Variants in ANKFN1 observed in about 807,000 individuals in gnomAD.
ANKFN1 encodes ankyrin repeat and fibronectin type-III domain-containing protein 1.
ANKFN1 carries 74 observed loss-of-function variants against 108.7 expected under a neutral mutation model. The observed-to-expected ratio is 0.68, with a 90% CI of 0.56 to 0.83. ANKFN1 has a LOEUF of 0.83. ANKFN1 is among the 40% of genes least tolerant of loss of function. ANKFN1 has a pLI of 0.00. For missense variants in ANKFN1, 1,505 were observed against 1,382.3 expected (o/e 1.09, Z -1.41); for synonymous variants, 547 against 516.2 (o/e 1.06, Z -0.81).
intron 4 of ANKFN1, among the ~76,000 whole-genome samples, chr17:56,348,567 C>A (rs960928593): frequency 6.6e-6 from 1 of 151,976 alleles, no homozygotes; most frequent in Admixed American, 6.6e-5. Context: ...TAAGAAAAAA[C>A]AACAACCCCA....
chr17:56,095,806 T>C (rs1905522774), intron 4 of ANKFN1, among the ~76,000 whole-genome samples: 3 of 152,248 alleles, frequency 2.0e-5, no homozygotes, highest in Middle Eastern at 3.4e-3. Context: ...GAAGCAGAAA[T>C]CCAAAATGCA....
At chr17:56,469,718 G>C (rs773793485) in intron 15 of ANKFN1, among the ~76,000 whole-genome samples, 5 of 152,060 alleles carry the variant, frequency 3.3e-5, no homozygotes, top group Non-Finnish European at 5.9e-5. Context: ...ATGATTAAAA[G>C]AGTAGCACAA....
intron 3 of ANKFN1, among the ~76,000 whole-genome samples, chr17:56,244,815 T>A (rs956860537): frequency 6.6e-6 from 1 of 152,130 alleles, no homozygotes; most frequent in Non-Finnish European, 1.5e-5. Context: ...CTCAGTAAAA[T>A]AGAGAATTTA....
chr17:56,449,237 G>T (rs765704646), intron 11 of ANKFN1, 51 bp downstream of exon 11: 4 of 1,368,286 alleles, frequency 2.9e-6, no homozygotes, highest in Non-Finnish European at 3.9e-6. Flanking sequence ...CGGTGGCGCC[G>T]GTAATTTTAG....
At chr17:56,360,337 C>G (rs2046484923) in intron 6 of ANKFN1, among the ~76,000 whole-genome samples, 1 of 152,140 alleles carries the variant, frequency 6.6e-6, no homozygotes, top group Non-Finnish European at 1.5e-5. Flanking sequence ...CATTACATGG[C>G]CAAATCCTTC....
chr17:56,286,928 T>C (rs914834820), intron 3 of ANKFN1, among the ~76,000 whole-genome samples: 1 of 152,102 alleles, frequency 6.6e-6, no homozygotes, highest in Non-Finnish European at 1.5e-5. Context: ...CTGCCAACCA[T>C]AGGCAAAGGG....
chr17:56,264,347 C>T (rs559943354), intron 3 of ANKFN1, among the ~76,000 whole-genome samples: 2 of 152,308 alleles, frequency 1.3e-5, no homozygotes, highest in East Asian at 1.9e-4. Context: ...TGGCTACATG[C>T]CTGCCTGGGC....
At chr17:56,273,030 C>T (rs2043830953) in intron 3 of ANKFN1, among the ~76,000 whole-genome samples, 1 of 152,172 alleles carries the variant, frequency 6.6e-6, no homozygotes, top group South Asian at 2.1e-4. Flanking sequence ...ATCTTAACAC[C>T]CTAAGACATC....
At chr17:56,246,825 G>T (rs149922549) in intron 3 of ANKFN1, among the ~76,000 whole-genome samples, 7 of 152,026 alleles carry the variant, frequency 4.6e-5, no homozygotes, top group African/African-American at 1.7e-4. Flanking sequence ...TTAAAGGGTA[G>T]ACATACATGT....
At chr17:56,212,120 T>G (rs1915061923) in intron 1 of ANKFN1, among the ~76,000 whole-genome samples, 1 of 152,046 alleles carries the variant, frequency 6.6e-6, no homozygotes, top group African/African-American at 2.4e-5. Flanking sequence ...CTTGTTCCAG[T>G]TCTCGGGGGA....
At chr17:56,247,456 A>T (rs1918039712) in intron 3 of ANKFN1, among the ~76,000 whole-genome samples, 1 of 152,188 alleles carries the variant, frequency 6.6e-6, no homozygotes, top group Non-Finnish European at 1.5e-5. Flanking sequence ...CAACAAACAA[A>T]ACGAAGATAA....
chr17:56,276,503 T>G (rs949864756), intron 3 of ANKFN1, among the ~76,000 whole-genome samples: 1 of 152,198 alleles, frequency 6.6e-6, no homozygotes. Context: ...CCACATCCTC[T>G]CCAGCATCTG....
chr17:56,182,706 C>G (rs1911800190), intron 1 of ANKFN1, among the ~76,000 whole-genome samples: 3 of 152,186 alleles, frequency 2.0e-5, no homozygotes, highest in Non-Finnish European at 4.4e-5. Context: ...CTACACCAAA[C>G]AACAGATTTT....
chr17:56,261,002 G>A (rs891840602), intron 3 of ANKFN1, among the ~76,000 whole-genome samples: 1 of 152,218 alleles, frequency 6.6e-6, no homozygotes, highest in African/African-American at 2.4e-5. Flanking sequence ...TAATTGAACA[G>A]AGATCGGAAT....
chr17:56,156,746 G>C (rs1909159291), intron 1 of ANKFN1, among the ~76,000 whole-genome samples: 1 of 152,158 alleles, frequency 6.6e-6, no homozygotes, highest in Non-Finnish European at 1.5e-5. Context: ...TTTACGCTTA[G>C]AGTTAGCAAA....
At chr17:56,229,806 T>C (rs1385288865) in intron 3 of ANKFN1, among the ~76,000 whole-genome samples, 1 of 151,816 alleles carries the variant, frequency 6.6e-6, no homozygotes, top group African/African-American at 2.4e-5. Flanking sequence ...ATTTCATTAG[T>C]AAACATTTTG....
chr17:56,446,045 T>C (rs1003195637), intron 10 of ANKFN1, among the ~76,000 whole-genome samples: 3 of 152,242 alleles, frequency 2.0e-5, no homozygotes, highest in Admixed American at 1.3e-4. Flanking sequence ...CGTCAGAACC[T>C]TCCAAACATC....
chr17:56,491,505 C>T (rs142346456), intron 18 of ANKFN1, among the ~76,000 whole-genome samples: 14 of 152,244 alleles, frequency 9.2e-5, no homozygotes, highest in Admixed American at 3.3e-4. Context: ...ATGATGGAGA[C>T]GAAGGCTGGA....
At chr17:56,285,077 G>A (rs180913027) in intron 3 of ANKFN1, among the ~76,000 whole-genome samples, 2 of 152,136 alleles carry the variant, frequency 1.3e-5, no homozygotes, top group African/African-American at 2.4e-5. Context: ...TGAGTACTTC[G>A]GTAAATCACC....
Sources: allele counts gnomAD v4.1 joint callset (sites outside exome capture counted in the v4.1 genomes callset), GRCh38; gene constraint gnomAD v4.1.1; transcripts MANE v1.5; gene names NCBI Gene and HGNC (gene_info 2026-07-23, HGNC 2026-07-21).